Variants in ZNF569 observed in about 807,000 individuals in gnomAD.
ZNF569 encodes the protein zinc finger protein 569.
ZNF569 carries 38 observed loss-of-function variants against 56.3 expected under a neutral mutation model. The ratio of observed to expected loss-of-function variants is 0.68; its 90% CI spans 0.52 to 0.88. The LOEUF (loss-of-function observed/expected upper bound fraction) is 0.88, where lower values mean the gene tolerates loss of function less well. Ranked by LOEUF, ZNF569 falls within the 40% of genes least tolerant of loss-of-function variation. The pLI is 0.00. For missense variants in ZNF569, 666 were observed against 809.2 expected, an observed-to-expected ratio of 0.82 and a Z score of 2.15; for synonymous variants, 241 against 262.9, an observed-to-expected ratio of 0.92 and a Z score of 0.81.
rs1263079717 is a variant in ZNF569, at chr19:37,454,842, A to G, written c.-43-9878T>C. On this transcript the variant is annotated intron_variant, in intron 2 of 5. Transcript: ENST00000316950. The stretch of plus-strand genomic sequence containing the variant: ...TAGCTGTATTTTCTTACTGGCTTAT[A>G]TGGTGTCTGGCAGAGTCCATCCCAG... The G allele has an allele frequency of 4.3e-6, 3 of 702,568 alleles. No homozygotes were observed. In the Admixed American group the frequency reaches 6.0e-5, roughly 14 times the overall value. The allele number at this position is 702,568 out of a possible 1,614,324, so 43.5% of individuals were successfully genotyped here.
chr19:37,418,940 T>G (rs1483038992), intron 5 of ZNF569, among the ~76,000 whole-genome samples: 2 of 152,300 alleles, frequency 1.3e-5, no homozygotes, highest in Non-Finnish European at 2.9e-5. Flanking sequence ...AAAATGGAAA[T>G]TTTTCTCCTC....
At chr19:37,454,044 T>C (rs2041634853) in intron 2 of ZNF569, among the ~76,000 whole-genome samples, 1 of 152,198 alleles carries the variant, frequency 6.6e-6, no homozygotes, top group African/African-American at 2.4e-5. Context: ...TCTTTTCTTC[T>C]GCTAGGTTTT....
In ZNF569 at chr19:37,426,363, T is replaced by C. The variant is rs1342982479; in HGVS notation, c.31A>G (p.Lys11Glu). ...TGAGTGAAGTCGATAGCCACATCTT[T>C]GAATGTTACTGTTCCCTGTAACAAC... MTESQGTVTF[K>E]DVAIDFTQEE... Residue 11 changes from lysine (K) to glutamate (E), a missense_variant, in exon 4 of 6, where the codon AAA becomes GAA. Transcript: ENST00000316950. 6.2e-7 allele frequency: 1 copy of C among 1,610,284 alleles called. No homozygotes were observed. Among genetic ancestry groups the C allele is most frequent in the Non-Finnish European group, 8.5e-7 (1 of 1,178,640 alleles).
chr19:37,461,668 A>G (rs1184573260), intron 2 of ZNF569, among the ~76,000 whole-genome samples: 1 of 152,152 alleles, frequency 6.6e-6, no homozygotes, highest in Non-Finnish European at 1.5e-5. Context: ...CAGCCCTGTC[A>G]GGAGCTTCCA....
intron 5 of ZNF569, among the ~76,000 whole-genome samples, chr19:37,424,814 T>C (rs1311523735): frequency 2.4e-5 from 1 of 42,166 alleles, no homozygotes; most frequent in Non-Finnish European, 3.8e-5. Context: ...AGACTCTGTC[T>C]CAAAAAAAAA....
At chr19:37,457,215 G>T (rs569460910) in intron 2 of ZNF569, among the ~76,000 whole-genome samples, 1 of 152,102 alleles carries the variant, frequency 6.6e-6, no homozygotes, top group Non-Finnish European at 1.5e-5. Context: ...TTAAACATTC[G>T]TACAATAAAA....
chr19:37,458,984 T>C (rs1267746502), intron 2 of ZNF569, among the ~76,000 whole-genome samples: 1 of 151,536 alleles, frequency 6.6e-6, no homozygotes, highest in Non-Finnish European at 1.5e-5. Context: ...CAAACTAAAA[T>C]GCACAGAGGA....
chr19:37,468,233 G>A (rs538194350), upstream of ZNF569, among the ~76,000 whole-genome samples: 6 of 151,952 alleles, frequency 3.9e-5, no homozygotes, highest in African/African-American at 1.4e-4. Flanking sequence ...CCACAATCAA[G>A]GGACACTCCG....
At chr19:37,419,316 A>C (rs1834918444) in intron 5 of ZNF569, among the ~76,000 whole-genome samples, 1 of 152,224 alleles carries the variant, frequency 6.6e-6, no homozygotes, top group African/African-American at 2.4e-5. Context: ...AAAATCTACA[A>C]ATCAATAATT....
intron 2 of ZNF569, among the ~76,000 whole-genome samples, chr19:37,445,407 A>C (rs181340588): frequency 1.2e-4 from 19 of 152,316 alleles, no homozygotes; most frequent in African/African-American, 3.8e-4. Flanking sequence ...TATCGGAGGT[A>C]CTGATGGTAA....
intron 3 of ZNF569, among the ~76,000 whole-genome samples, chr19:37,441,508 A>T (rs1211441240): frequency 6.6e-6 from 1 of 152,064 alleles, no homozygotes; most frequent in East Asian, 1.9e-4. Flanking sequence ...TTGTTTTTTT[A>T]AATTAGCCAG....
At chr19:37,420,610 C>T (rs2041019223) in intron 5 of ZNF569, among the ~76,000 whole-genome samples, 1 of 152,294 alleles carries the variant, frequency 6.6e-6, no homozygotes, top group Admixed American at 6.5e-5. Flanking sequence ...TCCGGCTCTA[C>T]TTCTAATTCT....
At chr19:37,461,269 G>GT (rs1600354162) in intron 2 of ZNF569, among the ~76,000 whole-genome samples, 1 of 151,476 alleles carries the variant, frequency 6.6e-6, no homozygotes, top group South Asian at 2.1e-4. Flanking sequence ...CGGTATAGTG[G>GT]TAAGAAGAAC....
At chr19:37,456,124 T>G (rs2041666346) in intron 2 of ZNF569, among the ~76,000 whole-genome samples, 2 of 152,348 alleles carry the variant, frequency 1.3e-5, no homozygotes, top group East Asian at 3.9e-4. Context: ...CTCCAGTGAC[T>G]TCTAGTGTTG....
chr19:37,455,858 C>A (rs2041663010), intron 2 of ZNF569, among the ~76,000 whole-genome samples: 1 of 152,166 alleles, frequency 6.6e-6, no homozygotes, highest in Non-Finnish European at 1.5e-5. Context: ...CCACTGATGG[C>A]TGGAAGAACA....
intron 2 of ZNF569, among the ~76,000 whole-genome samples, chr19:37,448,556 CTTTTTTT>C (rs545559315): frequency 4.1e-5 from 3 of 72,542 alleles, no homozygotes; most frequent in Non-Finnish European, 7.1e-5. Flanking sequence ...ATGCTGTAAT[CTTTTTTT>C]TTTTTTTTTT....
chr19:37,443,953 G>C (rs1430320042), intron 3 of ZNF569, among the ~76,000 whole-genome samples: 1 of 152,086 alleles, frequency 6.6e-6, no homozygotes, highest in Non-Finnish European at 1.5e-5. Context: ...GGGAGGCAGA[G>C]GTTGCAGTGA....
intron 3 of ZNF569, among the ~76,000 whole-genome samples, chr19:37,432,967 G>C (rs1381847461): frequency 7.0e-6 from 1 of 143,780 alleles, no homozygotes; most frequent in Admixed American, 7.2e-5. Context: ...GCAGTGGTGT[G>C]ATCATGGCTC....
chr19:37,439,517 A>G (rs1392814649), intron 3 of ZNF569, among the ~76,000 whole-genome samples: 4 of 152,236 alleles, frequency 2.6e-5, no homozygotes, highest in Non-Finnish European at 5.9e-5. Flanking sequence ...AAAGTAAAAT[A>G]GAACTATGAT....
Sources: gnomAD v4.1 joint callset for allele counts (sites outside exome capture counted in the v4.1 genomes callset) on GRCh38, gnomAD v4.1.1 for gene constraint, MANE v1.5 for transcripts, NCBI Gene and HGNC (gene_info 2026-07-23, HGNC 2026-07-21) for gene names.